Variants in MCM3AP observed in about 807,000 individuals in gnomAD.
MCM3AP encodes the protein minichromosome maintenance complex component 3 associated protein, also known as germinal-center associated nuclear protein.
A neutral mutation model predicts 184.1 loss-of-function variants in MCM3AP; 126 were observed. The observed-to-expected ratio is 0.68, with a 90% CI of 0.59 to 0.79. The LOEUF (loss-of-function observed/expected upper bound fraction) is 0.79, where lower values mean the gene tolerates loss of function less well. MCM3AP is among the 30% of genes least tolerant of loss of function. The pLI, the probability that MCM3AP is intolerant of heterozygous loss-of-function variation, is 0.00. For missense variants in MCM3AP, 2,496 were observed against 2,479.2 expected, an observed-to-expected ratio of 1.01 and a Z score of -0.14; for synonymous variants, 1,002 against 979.3, an observed-to-expected ratio of 1.02 and a Z score of -0.43.
chr21:46,280,863 T>C (rs1004579612), intron 2 of MCM3AP, among the ~76,000 whole-genome samples: 3 of 151,968 alleles, frequency 2.0e-5, no homozygotes, highest in African/African-American at 7.2e-5. Context: ...TGGAGTGCGG[T>C]GGTGAGATCT....
At chr21:46,246,200 C>T (rs755303076) in intron 22 of MCM3AP, 107 bp downstream of exon 22, 5 of 708,810 alleles carry the variant, frequency 7.1e-6, no homozygotes, top group Non-Finnish European at 1.2e-5. Flanking sequence ...AACCCTGTCT[C>T]TTAAGAAAAA....
At chr21:46,275,666 C>T (rs377489682) in intron 5 of MCM3AP, among the ~76,000 whole-genome samples, 1 of 152,074 alleles carries the variant, frequency 6.6e-6, no homozygotes, top group Non-Finnish European at 1.5e-5. Flanking sequence ...CACTTTCAGC[C>T]GGAGTTTTCT....
In MCM3AP at chr21:46,284,173, T is replaced by C. The variant is rs760419273; in HGVS notation, c.1114A>G (p.Ser372Gly). ...CCTCCTGGGATAGCCATGTGGTCAC[T>C]TTCTGCAGACTCAACAAAGCCAGTT... The part of the protein sequence containing the change: ...KETGFVESAE[S>G]DHMAIPGGNQ... The change falls in exon 1 of 28, where the codon AGT (serine) becomes GGT (glycine). Residue 372 changes from serine (S) to glycine (G), a missense_variant. Physicochemically the swap from Ser to Gly is moderately conservative, Grantham distance 56. This residue lies in a region of MCM3AP where 800 missense variants were observed against 717.1 expected (regional missense o/e 1.12). Transcript: ENST00000291688. 67 of 1,614,142 alleles carry C rather than the reference T, an allele frequency of 4.2e-5. No individual in the cohort carries two copies. The highest frequency in any genetic ancestry group is 5.6e-5 in the Non-Finnish European group (66 of 1,180,056).
rs748934836 is a variant in MCM3AP at position 46,267,276 on chromosome 21, T to A, written c.2629-134A>T. 110 of 774,798 alleles carry A rather than the reference T, an allele frequency of 1.4e-4. 1 individual carries two copies. Among genetic ancestry groups the A allele is most frequent in the Non-Finnish European group, 2.0e-4 (98 of 485,300 alleles). 48.0% of individuals were successfully genotyped at this position (774,798 alleles called of 1,614,324 possible). On this transcript the variant is annotated intron_variant, in intron 9 of 27. Transcript: ENST00000291688. ...TGGGCTGAGTCCACCAGAAGGCGCT[T>A]TGGCAACACGGAACCCAAGCTTAGA...
intron 20 of MCM3AP, chr21:46,251,240 C>T (rs2080862711): frequency 4.3e-6 from 1 of 232,848 alleles, no homozygotes; most frequent in Non-Finnish European, 8.3e-6. Context: ...TACATTTCCT[C>T]ATTTTTTAAA....
Position 46,243,668 on chromosome 21 carries a change from C to G in MCM3AP, c.5093G>C (p.Ser1698Thr). 6.2e-7 allele frequency: 1 copy of G among 1,614,192 alleles called. No homozygotes were observed. The highest frequency in any genetic ancestry group is 1.3e-5 in the African/African-American group (1 of 75,068). Reference protein sequence around the residue: ...MVVQYASQIPSSRQTQPVLQS... With the variant: ...MVVQYASQIPTSRQTQPVLQS... ...GAGGACAGGCTGTGTCTGGCGTGAGCTGGGGATCTGGGAGGCGTACTGGAC... is the reference window on the plus strand; with the variant it reads ...GAGGACAGGCTGTGTCTGGCGTGAGGTGGGGATCTGGGAGGCGTACTGGAC... The change falls in exon 24 of 28, where the codon AGC becomes ACC. Residue 1698 changes from serine to threonine, a missense_variant. Transcript: ENST00000291688.
At chr21:46,279,754 C>G (rs909653661) in intron 4 of MCM3AP, among the ~76,000 whole-genome samples, 3 of 152,198 alleles carry the variant, frequency 2.0e-5, no homozygotes, top group African/African-American at 7.2e-5. Flanking sequence ...CTGGCAGTTA[C>G]CAGTGTCAGA....
intron 12 of MCM3AP, 41 bp from the exon 13 acceptor site, chr21:46,264,258 C>T (rs1340855010): frequency 1.5e-6 from 2 of 1,317,116 alleles, no homozygotes; most frequent in African/African-American, 2.9e-5. Flanking sequence ...AACGTCCCAC[C>T]CAGGGCAGAA....
At chr21:46,248,630 A>G (rs1010423180) in intron 20 of MCM3AP, among the ~76,000 whole-genome samples, 12 of 152,050 alleles carry the variant, frequency 7.9e-5, no homozygotes, top group African/African-American at 2.9e-4. Flanking sequence ...AAAAAAAAAA[A>G]GAGGAACCAG....
At position 46,270,462 on chromosome 21, in the gene MCM3AP, A is replaced by G; in HGVS notation, c.2567T>C (p.Phe856Ser). Residue 856 changes from phenylalanine to serine, a missense_variant, in exon 9 of 28, where the codon TTC (phenylalanine) becomes TCC (serine). By Grantham distance (155) the Phe-to-Ser change is radical. Around this residue, in one of 5 missense-constraint regions of MCM3AP, gnomAD observed 138 missense variants for 191.9 expected, o/e 0.72. Coordinates refer to ENST00000291688, the MANE Select transcript of MCM3AP (RefSeq NM_003906.5). ...ALNSNNFVRF[F>S]KLVQSASYLN... ...GTAAGAAGCTGACTGGACCAGTTTG[A>G]AAAATCTCACAAAATTATTACTGTT... The G allele has an allele frequency of 1.2e-6, 2 of 1,614,092 alleles. No homozygotes were observed. The highest frequency in any genetic ancestry group is 1.7e-6 in the Non-Finnish European group (2 of 1,179,962).
At chr21:46,278,483 TC>T (rs1366412947) in intron 4 of MCM3AP, among the ~76,000 whole-genome samples, 12 of 152,204 alleles carry the variant, frequency 7.9e-5, no homozygotes, top group African/African-American at 2.9e-4. Context: ...AAAGATGGAT[TC>T]AGCCGGAGAT....
At chr21:46,238,318 A>G (rs990997668) in intron 26 of MCM3AP, among the ~76,000 whole-genome samples, 3 of 120,152 alleles carry the variant, frequency 2.5e-5, no homozygotes, top group Non-Finnish European at 3.5e-5. Flanking sequence ...AAATGAGTGG[A>G]TTGCTGCTTA....
At chr21:46,277,776 C>T in intron 4 of MCM3AP, 59 bp from the exon 5 acceptor site, 1 of 1,010,214 alleles carries the variant, frequency 9.9e-7, no homozygotes, top group African/African-American at 1.6e-5. Context: ...AGAGCATTTT[C>T]ATTTCTGAAC....
chr21:46,279,149 G>C (rs977143597), intron 4 of MCM3AP, among the ~76,000 whole-genome samples: 1 of 151,992 alleles, frequency 6.6e-6, no homozygotes, highest in Non-Finnish European at 1.5e-5. Flanking sequence ...TTAGCTGGGC[G>C]TGGTGGAGCG....
chr21:46,262,045 A>T (rs2081047726), intron 13 of MCM3AP, among the ~76,000 whole-genome samples: 1 of 152,230 alleles, frequency 6.6e-6, no homozygotes, highest in Admixed American at 6.5e-5. Context: ...AGGGATATGC[A>T]ACCTGTACTT....
chr21:46,246,237 A>C, intron 22 of MCM3AP, 70 bp downstream of exon 22: 5 of 919,356 alleles, frequency 5.4e-6, no homozygotes, highest in Non-Finnish European at 7.2e-6. Context: ...ATATACACTC[A>C]ATTCAAGATA....
At chr21:46,251,929 A>C (rs1346321596) in intron 19 of MCM3AP, 8 of 279,290 alleles carry the variant, frequency 2.9e-5, no homozygotes, top group Non-Finnish European at 4.5e-5. Context: ...TCTGTCGCCC[A>C]AGCTAGAGTG....
chr21:46,242,532 G>C (rs1060609), intron 25 of MCM3AP: 88,737 of 250,226 alleles, frequency 0.35, 17,291 homozygotes, highest in Non-Finnish European at 0.42. Flanking sequence ...ACTGTGCTTT[G>C]GAACCAAATT....
At chr21:46,240,134 C>T (rs1025087928) in intron 26 of MCM3AP, among the ~76,000 whole-genome samples, 6 of 152,092 alleles carry the variant, frequency 3.9e-5, no homozygotes, top group Non-Finnish European at 5.9e-5. Context: ...GAGAGAGATA[C>T]TCATTGAATG....
Sources: gnomAD v4.1 joint callset for allele counts (sites outside exome capture counted in the v4.1 genomes callset) on GRCh38, gnomAD v4.1.1 for gene constraint, gnomAD v4.1.1 regional missense constraint, MANE v1.5 for transcripts, NCBI Gene and HGNC (gene_info 2026-07-23, HGNC 2026-07-21) for gene names.